PLCH1: variants seen among roughly 807,000 people sequenced by gnomAD.
PLCH1 encodes the protein phospholipase C eta 1.
Under a neutral mutation model 126.7 loss-of-function variants are expected in PLCH1, and 60 were observed. The observed-to-expected ratio is 0.47, with a 90% CI of 0.38 to 0.59. The LOEUF is 0.59. Ranked by LOEUF, PLCH1 falls within the 20% of genes least tolerant of loss-of-function variation. The pLI, the probability that PLCH1 is intolerant of heterozygous loss-of-function variation, is 0.00. For missense variants in PLCH1, 1,723 were observed against 2,040.0 expected (o/e 0.84, Z 2.99); for synonymous variants, 719 against 734.9 (o/e 0.98, Z 0.35).
chr3:155,483,907 T>C (rs1022539168), intron 22 of PLCH1, among the ~76,000 whole-genome samples: 1 of 152,110 alleles, frequency 6.6e-6, no homozygotes, highest in Non-Finnish European at 1.5e-5. Context: ...TCATGATATA[T>C]AAGAAAAAGA....
At chr3:155,733,722 C>T (rs1157858641) in intron 1 of PLCH1, among the ~76,000 whole-genome samples, 1 of 151,542 alleles carries the variant, frequency 6.6e-6, no homozygotes, top group Non-Finnish European at 1.5e-5. Flanking sequence ...AATGAGATTG[C>T]TTCAAACTAA....
intron 1 of PLCH1, among the ~76,000 whole-genome samples, chr3:155,710,843 A>G (rs1307694511): frequency 2.6e-5 from 4 of 151,988 alleles, no homozygotes; most frequent in Admixed American, 6.6e-5. Flanking sequence ...TCAAAAAAAA[A>G]AAAAAACTAG....
intron 1 of PLCH1, among the ~76,000 whole-genome samples, chr3:155,718,736 G>A (rs1009040958): frequency 3.3e-5 from 5 of 152,058 alleles, no homozygotes; most frequent in Non-Finnish European, 2.9e-5. Context: ...CATGAGGGAT[G>A]ACCCAAATAC....
chr3:155,472,186 C>A (rs1186871887), intron 21 of PLCH1, among the ~76,000 whole-genome samples: 1 of 151,222 alleles, frequency 6.6e-6, no homozygotes, highest in African/African-American at 2.4e-5. Context: ...ACTAGCAAGA[C>A]TAATAAAGAA....
intron 21 of PLCH1, among the ~76,000 whole-genome samples, chr3:155,451,524 TATGGGA>T (rs1403887769): frequency 3.9e-5 from 6 of 152,180 alleles, no homozygotes; most frequent in Non-Finnish European, 8.8e-5. Flanking sequence ...AAACATTACT[TATGGGA>T]ATGTCTATGT....
chr3:155,506,402 G>A (rs1718722719), intron 12 of PLCH1, among the ~76,000 whole-genome samples: 1 of 143,492 alleles, frequency 7.0e-6, no homozygotes, highest in Non-Finnish European at 1.5e-5. Flanking sequence ...TGCACATTGT[G>A]CAGGTTAGTT....
chr3:155,473,439 C>T (rs1336968512), intron 21 of PLCH1, among the ~76,000 whole-genome samples: 76 of 151,516 alleles, frequency 5.0e-4, no homozygotes, highest in East Asian at 1.4e-3. Context: ...TACAAACAAA[C>T]GGAAGAACAT....
At chr3:155,460,671 T>C (rs1712676849) in intron 21 of PLCH1, among the ~76,000 whole-genome samples, 3 of 152,134 alleles carry the variant, frequency 2.0e-5, no homozygotes, top group South Asian at 2.1e-4. Flanking sequence ...ACTTAAAGGA[T>C]TCATGGATGG....
At chr3:155,608,046 C>G (rs1734575980) in intron 2 of PLCH1, among the ~76,000 whole-genome samples, 1 of 152,012 alleles carries the variant, frequency 6.6e-6, no homozygotes, top group Non-Finnish European at 1.5e-5. Flanking sequence ...CCTGGGGAAC[C>G]TGAAAATCCA....
chr3:155,575,841 G>T (rs893171686), intron 6 of PLCH1, among the ~76,000 whole-genome samples: 1 of 151,916 alleles, frequency 6.6e-6, no homozygotes, highest in Non-Finnish European at 1.5e-5. Flanking sequence ...TTAAGAGAAG[G>T]GGTCTCACTA....
At chr3:155,627,764 C>T (rs55896141) in intron 2 of PLCH1, among the ~76,000 whole-genome samples, 72,963 of 150,364 alleles carry the variant, frequency 0.49, 20,026 homozygotes, top group African/African-American at 0.74. Context: ...AAAAAGTTAT[C>T]GGAGATTTTT....
intron 2 of PLCH1, among the ~76,000 whole-genome samples, chr3:155,601,181 G>A (rs1421950897): frequency 6.6e-6 from 1 of 152,156 alleles, no homozygotes; most frequent in South Asian, 2.1e-4. Context: ...GTTTCACCGT[G>A]TTAGCCAGTA....
At chr3:155,487,901 G>A (rs61572323) in intron 21 of PLCH1, 127 bp downstream of exon 21, 22,030 of 624,940 alleles carry the variant, frequency 0.035, 761 homozygotes, top group African/African-American at 0.14. Context: ...GGGCTTGCTG[G>A]GCCTCCTTAG....
chr3:155,544,797 T>C (rs1242978376), intron 10 of PLCH1, among the ~76,000 whole-genome samples: 2 of 151,264 alleles, frequency 1.3e-5, no homozygotes, highest in Admixed American at 6.6e-5. Context: ...ACTGGGTACA[T>C]AACGAAATGA....
intron 8 of PLCH1, among the ~76,000 whole-genome samples, chr3:155,554,493 C>T (rs1370389061): frequency 6.6e-6 from 1 of 152,160 alleles, no homozygotes; most frequent in Non-Finnish European, 1.5e-5. Context: ...TAAATCCAGT[C>T]AAGTGTGCCC....
At chr3:155,607,647 G>C (rs1734531550) in intron 2 of PLCH1, among the ~76,000 whole-genome samples, 1 of 152,062 alleles carries the variant, frequency 6.6e-6, no homozygotes. Flanking sequence ...TCACCATGTT[G>C]GCCAGGCTGG....
chr3:155,534,371 G>T (rs540157035), intron 10 of PLCH1, among the ~76,000 whole-genome samples: 8 of 152,320 alleles, frequency 5.3e-5, no homozygotes, highest in African/African-American at 1.9e-4. Context: ...CATGGAGCCT[G>T]TATCTCCTTT....
intron 2 of PLCH1, among the ~76,000 whole-genome samples, chr3:155,667,903 T>TCAAA (rs1742932150): frequency 1.3e-5 from 1 of 75,590 alleles, no homozygotes; most frequent in Non-Finnish European, 2.3e-5. Context: ...CATCTCTACT[T>TCAAA]AAAAAAAAAA....
chr3:155,622,215 A>G (rs35617667), intron 2 of PLCH1, among the ~76,000 whole-genome samples: 73,859 of 152,046 alleles, frequency 0.49, 20,338 homozygotes, highest in African/African-American at 0.74. Flanking sequence ...AAATGCTGAG[A>G]GATTTTGTCA....
Sources: allele counts gnomAD v4.1 joint callset (sites outside exome capture counted in the v4.1 genomes callset), GRCh38; gene constraint gnomAD v4.1.1; transcripts MANE v1.5; gene names NCBI Gene and HGNC (gene_info 2026-07-23, HGNC 2026-07-21).